Variants in FREM2 observed in about 807,000 individuals in gnomAD.
The protein encoded by FREM2 is FRAS1-related extracellular matrix protein 2.
In FREM2, 119 loss-of-function variants were observed where a neutral mutation model predicts 219.9. The observed-to-expected ratio is 0.54, with a 90% CI of 0.47 to 0.63. FREM2 has a LOEUF of 0.63. Among genes scored for constraint, FREM2 ranks in the 30% least tolerant of loss-of-function variants. The pLI, the probability that FREM2 is intolerant of heterozygous loss-of-function variation, is 0.00. For missense variants in FREM2, 4,030 were observed against 3,993.6 expected (o/e 1.01, Z -0.25); for synonymous variants, 1,562 against 1,522.8 (o/e 1.03, Z -0.60).
intron 2 of FREM2, among the ~76,000 whole-genome samples, chr13:38,731,840 G>A (rs1871778739): frequency 6.6e-6 from 1 of 152,160 alleles, no homozygotes; most frequent in South Asian, 2.1e-4. Flanking sequence ...TGCTGTTCAT[G>A]TTTGTAAAAT....
intron 6 of FREM2, among the ~76,000 whole-genome samples, chr13:38,815,576 A>G (rs1263683657): frequency 6.6e-6 from 1 of 152,224 alleles, no homozygotes; most frequent in South Asian, 2.1e-4. Context: ...ATATGCCAAC[A>G]AATTTGATAA....
At chr13:38,880,201 C>A in intron 23 of FREM2, 83 bp from the exon 24 acceptor site, 1 of 1,320,710 alleles carries the variant, frequency 7.6e-7, no homozygotes, top group Non-Finnish European at 1.1e-6. Flanking sequence ...AATATCTCTG[C>A]CATTAATTTC....
At chr13:38,829,915 A>G (rs1302082212) in intron 6 of FREM2, among the ~76,000 whole-genome samples, 1 of 152,096 alleles carries the variant, frequency 6.6e-6, no homozygotes, top group African/African-American at 2.4e-5. Flanking sequence ...CTTTAAAAAT[A>G]GACATAATGT....
chr13:38,842,082 G>A (rs939306067), intron 6 of FREM2, among the ~76,000 whole-genome samples: 5 of 152,170 alleles, frequency 3.3e-5, no homozygotes, highest in African/African-American at 1.2e-4. Context: ...ATTCAAAGCA[G>A]CAGAGCCATA....
At chr13:38,789,788 C>G (rs978561644) in intron 6 of FREM2, among the ~76,000 whole-genome samples, 2 of 149,548 alleles carry the variant, frequency 1.3e-5, no homozygotes, top group African/African-American at 4.9e-5. Context: ...TTTATTTTTT[C>G]TTCATATAGT....
At chr13:38,801,815 T>C (rs2137851506) in intron 6 of FREM2, among the ~76,000 whole-genome samples, 1 of 152,258 alleles carries the variant, frequency 6.6e-6, no homozygotes, top group African/African-American at 2.4e-5. Context: ...TCGTTGGCTT[T>C]CATGTGGCTT....
intron 6 of FREM2, among the ~76,000 whole-genome samples, chr13:38,830,227 G>A (rs1419919461): frequency 6.6e-6 from 1 of 152,100 alleles, no homozygotes; most frequent in Non-Finnish European, 1.5e-5. Flanking sequence ...GTTGGCAATG[G>A]CACAATGAAT....
At chr13:38,737,327 CAT>C (rs1279576949) in intron 2 of FREM2, among the ~76,000 whole-genome samples, 3 of 152,170 alleles carry the variant, frequency 2.0e-5, no homozygotes, top group East Asian at 1.9e-4. Flanking sequence ...ATGGAGTGCA[CAT>C]GTTTTTATTA....
At chr13:38,763,258 G>A (rs1462255358) in intron 2 of FREM2, among the ~76,000 whole-genome samples, 1 of 152,074 alleles carries the variant, frequency 6.6e-6, no homozygotes, top group Non-Finnish European at 1.5e-5. Flanking sequence ...GCTCAAAGTT[G>A]CTGCAGTTTT....
chr13:38,782,799 C>T (rs1040215987), intron 4 of FREM2, among the ~76,000 whole-genome samples: 1 of 152,298 alleles, frequency 6.6e-6, no homozygotes, highest in South Asian at 2.1e-4. Context: ...ACTGTGTCAG[C>T]ATGACTTATT....
chr13:38,805,374 G>A (rs866538387), intron 6 of FREM2, among the ~76,000 whole-genome samples: 26 of 151,822 alleles, frequency 1.7e-4, no homozygotes, highest in Middle Eastern at 3.2e-3. Context: ...ATTGTGCGTG[G>A]AAGCTCCAAA....
At chr13:38,809,559 C>T (rs1470660338) in intron 6 of FREM2, among the ~76,000 whole-genome samples, 1 of 152,018 alleles carries the variant, frequency 6.6e-6, no homozygotes, top group Non-Finnish European at 1.5e-5. Context: ...ATTCAGTTTT[C>T]CCAGAACAAT....
chr13:38,778,994 A>G (rs1873995761), intron 4 of FREM2, among the ~76,000 whole-genome samples: 1 of 152,206 alleles, frequency 6.6e-6, no homozygotes, highest in Non-Finnish European at 1.5e-5. Context: ...TTTGTACTCA[A>G]GTCTTATGAT....
intron 1 of FREM2, among the ~76,000 whole-genome samples, chr13:38,694,691 A>G (rs1870032205): frequency 6.6e-6 from 1 of 152,218 alleles, no homozygotes; most frequent in African/African-American, 2.4e-5. Context: ...GGTTCCTAGA[A>G]GAAAAAAATT....
chr13:38,723,551 G>T (rs897405190), intron 2 of FREM2, among the ~76,000 whole-genome samples: 1 of 152,086 alleles, frequency 6.6e-6, no homozygotes, highest in Non-Finnish European at 1.5e-5. Flanking sequence ...TCCTTGCTGT[G>T]GGGGGTGCAT....
At chr13:38,799,209 A>T (rs1178275174) in intron 6 of FREM2, among the ~76,000 whole-genome samples, 1 of 151,054 alleles carries the variant, frequency 6.6e-6, no homozygotes, top group Non-Finnish European at 1.5e-5. Context: ...TTCTATCTAA[A>T]TTTTTTCCTT....
intron 2 of FREM2, among the ~76,000 whole-genome samples, chr13:38,737,629 T>A (rs1872052148): frequency 1.3e-5 from 2 of 152,174 alleles, no homozygotes; most frequent in African/African-American, 2.4e-5. Flanking sequence ...GTGCTCAGTA[T>A]GTGATAGATG....
chr13:38,850,075 C>T lies in FREM2; in HGVS notation c.6417C>T (p.Gly2139=). The change falls in exon 9 of 24, where the codon GGC becomes GGT. Residue 2139 remains glycine, a synonymous_variant. Transcript: ENST00000280481. ...KMQFKERIYT[G]SESDGQIVTM... ...AATTCAAAGAACGAATATATACTGG[C>T]AGCGAAAGTGATGGGCAGATAGTTA... The T allele has an allele frequency of 1.2e-6, 2 of 1,613,920 alleles. No individual in the cohort carries two copies. The highest frequency in any genetic ancestry group is 1.7e-6 in the Non-Finnish European group (2 of 1,179,834).
chr13:38,859,432 A>G lies in FREM2; in HGVS notation c.7361A>G (p.Asp2454Gly), dbSNP rs1358625871. ...GTGACCAGCCCTATGAGAGAAGTGG[A>G]CTTCGACACCTTTTTTACGTCATCC... ...DGVTSPMREVDFDTFFTSSKM... is the reference protein window; with the variant it reads ...DGVTSPMREVGFDTFFTSSKM... Residue 2454 changes from aspartate (D) to glycine (G), a missense_variant, in exon 14 of 24, where the codon GAC becomes GGC. Physicochemically the swap from Asp to Gly is moderately conservative, Grantham distance 94. Coordinates refer to ENST00000280481, the MANE Select transcript of FREM2 (RefSeq NM_207361.6). The G allele has an allele frequency of 6.2e-7, 1 of 1,614,072 alleles. No homozygotes were observed. The highest frequency in any genetic ancestry group is 8.5e-7 in the Non-Finnish European group (1 of 1,180,004).
Sources: gnomAD v4.1 joint callset for allele counts (sites outside exome capture counted in the v4.1 genomes callset) on GRCh38, gnomAD v4.1.1 for gene constraint, MANE v1.5 for transcripts, NCBI Gene and HGNC (gene_info 2026-07-23, HGNC 2026-07-21) for gene names.